The following TTLL10 variants were observed in gnomAD, a reference collection of about 807,000 sequenced individuals.
TTLL10 encodes tubulin tyrosine ligase like 10.
Under a neutral mutation model 69.0 loss-of-function variants are expected in TTLL10, and 61 were observed. The observed-to-expected ratio is 0.88, with a 90% CI of 0.72 to 1.09. TTLL10 has a LOEUF of 1.09. TTLL10 is among the 50% of genes least tolerant of loss of function. The probability of loss-of-function intolerance (pLI) is 0.00; values close to 1 mark genes in which losing one functional copy is unlikely to be tolerated. For synonymous variants in TTLL10, 408 were observed against 393.3 expected, an observed-to-expected ratio of 1.04 and a Z score of -0.44; for missense variants, 962 against 945.9, an observed-to-expected ratio of 1.02 and a Z score of -0.22.
rs185723880 is a variant in TTLL10, at chr1:1,176,969, T to C, written c.-27-2220T>C. On this transcript the variant is annotated intron_variant, in intron 3 of 15. Coordinates refer to ENST00000379289, the MANE Select transcript of TTLL10 (RefSeq NM_001130045.2). ...CCAGGCTGGTTTGTTTCCCTGTTTCTCCCCTTTTCTCTTCCTCTGTGTGCG... is the reference window on the plus strand; with the variant it reads ...CCAGGCTGGTTTGTTTCCCTGTTTCCCCCCTTTTCTCTTCCTCTGTGTGCG... Among the ~76,000 whole-genome samples, 362 of 152,292 alleles carry C rather than the reference T, an allele frequency of 2.4e-3. 4 individuals carry two copies. Among genetic ancestry groups the C allele is most frequent in the African/African-American group, 8.4e-3 (350 of 41,574 alleles).
intron 3 of TTLL10, chr1:1,175,420 C>T (rs900936201): frequency 4.8e-5 from 16 of 331,518 alleles, no homozygotes; most frequent in African/African-American, 1.5e-4. Context: ...TCCCCGTGGA[C>T]GGTGAAAGGG....
intron 11 of TTLL10, among the ~76,000 whole-genome samples, 181 bp downstream of exon 11, chr1:1,183,228 G>A (rs189411949): frequency 1.7e-3 from 263 of 152,280 alleles, no homozygotes; most frequent in African/African-American, 5.9e-3. Context: ...ACACCAGGCC[G>A]GGGTCACAGA....
Position 1,184,043 on chromosome 1 carries a change from C to T in TTLL10, c.1212C>T (p.Ser404=). ...ACGGCTATGCTCGCCTCACCCTTAG[C>T]CTTTACGACCCCCATTCCAGCGACC... The part of the protein sequence containing the change: ...FGHGYARLTL[S]LYDPHSSDLG... The change falls in exon 12 of 16, where the codon AGC becomes AGT. Residue 404 remains serine (S), a synonymous_variant. Coordinates refer to ENST00000379289, the MANE Select transcript of TTLL10 (RefSeq NM_001130045.2). 1 of 1,614,246 alleles carries T rather than the reference C, an allele frequency of 6.2e-7. No homozygotes were observed.
chr1:1,183,107 G>GT (rs1647130963), intron 11 of TTLL10, 60 bp downstream of exon 11: 1 of 1,517,018 alleles, frequency 6.6e-7, no homozygotes, highest in South Asian at 1.3e-5. Flanking sequence ...GGCCCCACTG[G>GT]TGCAGTCAGC....
chr1:1,196,357 G>A (rs1361648393), intron 13 of TTLL10: 1 of 507,248 alleles, frequency 2.0e-6, no homozygotes, highest in East Asian at 3.4e-5. Flanking sequence ...GAGATTTCCT[G>A]TGAGTTTTCC....
At position 1,185,248 on chromosome 1, in the gene TTLL10, A is replaced by T; in HGVS notation, c.1401+139A>T. The T allele has an allele frequency of 6.9e-7, 1 of 1,456,702 alleles. No individual in the cohort carries two copies. The highest frequency in any genetic ancestry group is 9.0e-7 in the Non-Finnish European group (1 of 1,105,520). The allele number at this position is 1,456,702 out of a possible 1,614,324, so 90.2% of individuals were successfully genotyped here. The stretch of plus-strand genomic sequence containing the variant: ...AAGTGTGACCTGACCGTGTGGAACC[A>T]AACCCTTCCAGCGTCTCTGCTCACT... On this transcript the variant is annotated intron_variant, in intron 13 of 15. Transcript: ENST00000379289. This position sits in a 1 kb window ranked among gnomAD's most constrained non-coding sequence, Gnocchi z 6.1.
intron 8 of TTLL10, 108 bp downstream of exon 8, chr1:1,180,968 TTGCCCC>T (rs1647047204): frequency 2.0e-6 from 2 of 1,015,716 alleles, no homozygotes; most frequent in Non-Finnish European, 2.6e-6. Context: ...GCCCCTGCCC[TTGCCCC>T]TGCCCCTGGC....
chr1:1,180,398 G>T, intron 6 of TTLL10, 58 bp downstream of exon 6: 1 of 1,539,840 alleles, frequency 6.5e-7, no homozygotes. Flanking sequence ...CTGCTCCCGG[G>T]GCCCAGCCCG....
rs1021103605 is a variant in TTLL10, at chr1:1,183,991, C to G, written c.1160C>G (p.Thr387Ser). The change falls in exon 12 of 16, where the codon ACC (threonine) becomes AGC (serine). Residue 387 changes from threonine (T) to serine (S), a missense_variant. Physicochemically the swap from Thr to Ser is moderately conservative, Grantham distance 58. Coordinates refer to ENST00000379289, the MANE Select transcript of TTLL10 (RefSeq NM_001130045.2). ...CGCTCCTACCTGCTCATTGCCTGCA[C>G]CACACCCTACATGATCTTCTTTGGC... ...DVRSYLLIAC[T>S]TPYMIFFGHG... is the part of the protein sequence containing the mutation. The G allele has an allele frequency of 3.1e-6, 5 of 1,614,090 alleles. No individual in the cohort carries two copies. The highest frequency in any genetic ancestry group is 4.2e-6 in the Non-Finnish European group (5 of 1,180,024).
chr1:1,187,530 T>C (rs904009049), intron 13 of TTLL10, among the ~76,000 whole-genome samples: 1 of 152,068 alleles, frequency 6.6e-6, no homozygotes, highest in Non-Finnish European at 1.5e-5. Flanking sequence ...CTTGGGAGGC[T>C]GAGAAAGAAG....
At chr1:1,187,386 T>G (rs1430719219) in intron 13 of TTLL10, among the ~76,000 whole-genome samples, 3 of 152,150 alleles carry the variant, frequency 2.0e-5, no homozygotes, top group Non-Finnish European at 4.4e-5. Flanking sequence ...TCCCAGCACT[T>G]TGGGAGGCCA....
chr1:1,180,393 C>G, intron 6 of TTLL10, 53 bp downstream of exon 6: 1 of 1,540,712 alleles, frequency 6.5e-7, no homozygotes, highest in Non-Finnish European at 8.8e-7. Flanking sequence ...ACCGCCTGCT[C>G]CCGGGGCCCA....
At chr1:1,180,457 G>GGCCCCCCCCCCCCC in intron 6 of TTLL10, 26 bp from the exon 7 acceptor site, 1 of 1,520,742 alleles carries the variant, frequency 6.6e-7, no homozygotes, top group Non-Finnish European at 8.9e-7. Flanking sequence ...CGGCCCCCAG[G>GGCCCCCCCCCCCCC]TCACCCCCGC....
chr1:1,187,427 C>G (rs1479543725), intron 13 of TTLL10, among the ~76,000 whole-genome samples: 1 of 151,360 alleles, frequency 6.6e-6, no homozygotes. Flanking sequence ...GTCAGGAGTT[C>G]AAGACCAGCC....
rs772576615 is a variant in TTLL10 at position 1,180,498 on chromosome 1, CA to C, written c.526del (p.Ser176AlafsTer17). The C allele has an allele frequency of 6.4e-7, 1 of 1,552,164 alleles. No individual in the cohort carries two copies. The highest frequency in any genetic ancestry group is 2.4e-5 in the East Asian group (1 of 41,374). On this transcript the variant is annotated frameshift_variant, in exon 7 of 16. Coordinates refer to ENST00000379289, the MANE Select transcript of TTLL10 (RefSeq NM_001130045.2). LOFTEE classifies it high-confidence loss of function. ...NGATIISSYC[K>X]SKGWQRIHDS... is the part of the protein sequence containing the mutation. ...CCCCTCGCAGCATCAGCTCCTACTG[CA>C]AAAGCAAGGGCTGGCAGCGCATCCA...
Position 1,180,550 on chromosome 1 carries a change from C to T in TTLL10, c.574C>T (p.Leu192=), listed in dbSNP as rs550043560. ...IHDSRRDDYT[L]KWCEVKSRDS... is the part of the protein sequence containing the mutation. Reference sequence around the variant, plus strand: ...TGACAGCCGCCGGGACGACTACACGCTGAAGTGGTGTGAGGTCAAGAGCCG... The same window carrying T: ...TGACAGCCGCCGGGACGACTACACGTTGAAGTGGTGTGAGGTCAAGAGCCG... Residue 192 remains leucine (L), a synonymous_variant, in exon 7 of 16, where the codon CTG becomes TTG. Coordinates refer to ENST00000379289, the MANE Select transcript of TTLL10 (RefSeq NM_001130045.2). 3 of 1,552,752 alleles carry T rather than the reference C, an allele frequency of 1.9e-6. No individual in the cohort carries two copies. The highest frequency in any genetic ancestry group is 3.9e-5 in the Admixed American group (2 of 51,194).
In TTLL10 at chr1:1,185,677, T is replaced by C. The variant is rs1647266067; in HGVS notation, c.1401+568T>C. On this transcript the variant is annotated intron_variant, in intron 13 of 15. Transcript: ENST00000379289. This position sits in a 1 kb window ranked among gnomAD's most constrained non-coding sequence, Gnocchi z 6.1. ...AAACGGGGCTTGGCCGAAGGACTTT[T>C]ATCTGTCTTGGTCACCCCGGCCAGG... The C allele has an allele frequency of 4.1e-6, 4 of 985,484 alleles. No homozygotes were observed. Among genetic ancestry groups the C allele is most frequent in the South Asian group, 4.7e-5 (1 of 21,308 alleles). The allele number at this position is 985,484 out of a possible 1,614,324, so 61.0% of individuals were successfully genotyped here. A position where few individuals can be genotyped will look rare whatever the true frequency, so the allele number is the denominator to read the frequency against.
rs972463741 is a variant in TTLL10 at position 1,180,503 on chromosome 1, G to T, written c.527G>T (p.Ser176Ile). The change falls in exon 7 of 16, where the codon AGC becomes ATC. Residue 176 changes from serine to isoleucine, a missense_variant. Ser to Ile is a moderately radical substitution (Grantham distance 142). Coordinates refer to ENST00000379289, the MANE Select transcript of TTLL10 (RefSeq NM_001130045.2). Reference protein sequence around the residue: ...GATIISSYCKSKGWQRIHDSR... With the variant: ...GATIISSYCKIKGWQRIHDSR... ...CGCAGCATCAGCTCCTACTGCAAAA[G>T]CAAGGGCTGGCAGCGCATCCATGAC... The T allele has an allele frequency of 6.5e-6, 10 of 1,537,926 alleles. No homozygotes were observed. Among genetic ancestry groups the T allele is most frequent in the Non-Finnish European group, 8.8e-6 (10 of 1,140,380 alleles).
chr1:1,197,213 C>A, intron 15 of TTLL10, 27 bp downstream of exon 15: 2 of 1,534,648 alleles, frequency 1.3e-6, no homozygotes, highest in South Asian at 1.2e-5. Flanking sequence ...CCACCCCACA[C>A]CCCCACAACC....
Sources: gnomAD v4.1 joint callset for allele counts (sites outside exome capture counted in the v4.1 genomes callset) on GRCh38, gnomAD v4.1.1 for gene constraint, Gnocchi (gnomAD v3.1) non-coding constraint, MANE v1.5 for transcripts, NCBI Gene and HGNC (gene_info 2026-07-23, HGNC 2026-07-21) for gene names.